Variants in PLAC1 observed in about 807,000 individuals in gnomAD.
The protein encoded by PLAC1 is placenta associated 1, also known as placenta-specific protein 1.
For synonymous variants in PLAC1, 68 were observed against 62.1 expected (o/e 1.09, Z -0.44); for missense variants, 136 against 163.2 (o/e 0.83, Z 0.91).
chrX:134,577,281 A>AC (rs1382813194), intron 2 of PLAC1, among the ~76,000 whole-genome samples: 2 of 112,015 alleles, frequency 1.8e-5, no homozygotes, highest in African/African-American at 6.5e-5. Context: ...GGATGGAGAA[A>AC]CCTAGAGTGA....
chrX:134,577,362 G>A (rs2077944623), intron 2 of PLAC1, among the ~76,000 whole-genome samples: 1 of 111,868 alleles, frequency 8.9e-6, no homozygotes, highest in South Asian at 3.7e-4. Flanking sequence ...GGTCACTGGA[G>A]AGGGAGATCC....
chrX:134,630,362 A>T (rs760194998), intron 1 of PLAC1, among the ~76,000 whole-genome samples: 1 of 112,455 alleles, frequency 8.9e-6, no homozygotes, highest in Admixed American at 9.4e-5. Flanking sequence ...ATTTCTCTAT[A>T]AATAACTCTC....
chrX:134,709,548 C>T (rs1011497347), intron 2 of PLAC1, among the ~76,000 whole-genome samples: 4 of 111,177 alleles, frequency 3.6e-5, no homozygotes, highest in Admixed American at 1.9e-4. Context: ...ATCGCTTGAA[C>T]CCGGGATCGC....
chrX:134,590,006 T>C (rs190833847), intron 2 of PLAC1, among the ~76,000 whole-genome samples: 1,772 of 98,104 alleles, frequency 0.018, 29 homozygotes, highest in East Asian at 0.074. Flanking sequence ...CCATCCTGGC[T>C]AACATGGTGA....
At chrX:134,652,418 A>G (rs1328696571) in intron 1 of PLAC1, among the ~76,000 whole-genome samples, 1 of 112,162 alleles carries the variant, frequency 8.9e-6, no homozygotes, top group Non-Finnish European at 1.9e-5. Context: ...CTCTGGTTCT[A>G]CAGGCAACTG....
chrX:134,622,596 T>G (rs1363547308), intron 1 of PLAC1, among the ~76,000 whole-genome samples: 3 of 111,693 alleles, frequency 2.7e-5, no homozygotes, highest in Non-Finnish European at 5.6e-5. Flanking sequence ...AGTTACTTTT[T>G]TAGTACATTG....
intron 2 of PLAC1, among the ~76,000 whole-genome samples, chrX:134,664,663 G>A (rs953447605): frequency 8.9e-6 from 1 of 112,273 alleles, no homozygotes; most frequent in Non-Finnish European, 1.9e-5. Flanking sequence ...AAGGTGATGT[G>A]CAGATGAGGA....
intron 2 of PLAC1, among the ~76,000 whole-genome samples, chrX:134,725,117 G>A (rs2078670111): frequency 8.9e-6 from 1 of 112,098 alleles, no homozygotes; most frequent in Non-Finnish European, 1.9e-5. Flanking sequence ...AAGTTGTTGT[G>A]AGGATTAAGT....
intron 2 of PLAC1, among the ~76,000 whole-genome samples, chrX:134,588,530 C>T (rs1255447352): frequency 1.8e-5 from 2 of 109,205 alleles, no homozygotes; most frequent in Non-Finnish European, 1.9e-5. Context: ...AATAAATGAC[C>T]GCATCTACAG....
chrX:134,648,862 A>G (rs1363671611), intron 1 of PLAC1, among the ~76,000 whole-genome samples: 1 of 112,001 alleles, frequency 8.9e-6, no homozygotes, highest in Non-Finnish European at 1.9e-5. Context: ...AGGCAGGACC[A>G]CACTCACCCA....
intron 2 of PLAC1, among the ~76,000 whole-genome samples, chrX:134,668,168 A>G (rs1195045064): frequency 8.9e-6 from 1 of 112,493 alleles, no homozygotes; most frequent in African/African-American, 3.2e-5. Flanking sequence ...TGAAGGACTA[A>G]TGCATACTAC....
chrX:134,667,381 C>A (rs976329083), intron 2 of PLAC1, among the ~76,000 whole-genome samples: 2 of 112,260 alleles, frequency 1.8e-5, no homozygotes, highest in Non-Finnish European at 3.8e-5. Flanking sequence ...AACAGACTGT[C>A]TTCCAAAGAA....
In PLAC1 at chrX:134,590,109, T is replaced by G. The variant is rs368580900; in HGVS notation, c.-59+11942A>C. Among the ~76,000 whole-genome samples the G allele has an allele frequency of 1.2e-4, 13 of 110,263 alleles. No homozygotes were observed. In the South Asian group the frequency reaches 5.1e-3, roughly 43 times the overall value. ...ACTTGGGAGGCTGAGGCAGGAGAAT[T>G]GCTTCAACCTGGGAGGCAGAAGTTG... On this transcript the variant is annotated intron_variant, in intron 2 of 2. Transcript: ENST00000359237.
Position 134,677,802 on chromosome X carries a change from C to A in PLAC1, n.174+55633G>T, listed in dbSNP as rs756601165. On this transcript the variant is annotated intron_variant and non_coding_transcript_variant, in intron 2 of 2. Coordinates refer to the PLAC1 transcript ENST00000466797. ...AAAGTTCGATTTGGCTCTTGTGTCACAAATAGACTGAGGAGGCAAGGGTTG... is the reference window on the plus strand; with the variant it reads ...AAAGTTCGATTTGGCTCTTGTGTCAAAAATAGACTGAGGAGGCAAGGGTTG... 1.3e-3 allele frequency among the ~76,000 whole-genome samples: 143 copies of A among 111,694 alleles called. 2 individuals are homozygous for A. Among genetic ancestry groups the A allele is most frequent in the Non-Finnish European group, 8.8e-4 (47 of 53,145 alleles).
intron 2 of PLAC1, among the ~76,000 whole-genome samples, chrX:134,711,911 G>C (rs2078629179): frequency 8.9e-6 from 1 of 112,066 alleles, no homozygotes; most frequent in African/African-American, 3.2e-5. Flanking sequence ...AACAATTCCA[G>C]CAGGCTTCCA....
At chrX:134,568,265 A>T (rs1210965420) in intron 2 of PLAC1, among the ~76,000 whole-genome samples, 1 of 112,946 alleles carries the variant, frequency 8.9e-6, no homozygotes, top group Admixed American at 9.3e-5. Context: ...TTCTTTGACT[A>T]ATATTTGTTG....
intron 1 of PLAC1, among the ~76,000 whole-genome samples, chrX:134,636,003 C>T (rs1307102500): frequency 8.9e-6 from 1 of 112,110 alleles, no homozygotes; most frequent in Non-Finnish European, 1.9e-5. Flanking sequence ...CACAAATGTG[C>T]CTTCGATAAT....
At chrX:134,686,486 G>A (rs941015113) in intron 2 of PLAC1, among the ~76,000 whole-genome samples, 12 of 111,664 alleles carry the variant, frequency 1.1e-4, no homozygotes, top group Non-Finnish European at 9.4e-5. Context: ...TGTTTGGTAC[G>A]GGCAATACTA....
chrX:134,717,007 T>G (rs2078645190), intron 2 of PLAC1, among the ~76,000 whole-genome samples: 2 of 112,031 alleles, frequency 1.8e-5, no homozygotes, highest in Admixed American at 9.5e-5. Context: ...GATAGCAATT[T>G]TCATTATCTT....
Sources: gnomAD v4.1 joint callset for allele counts (sites outside exome capture counted in the v4.1 genomes callset) on GRCh38, gnomAD v4.1.1 for gene constraint, MANE v1.5 for transcripts, NCBI Gene and HGNC (gene_info 2026-07-23, HGNC 2026-07-21) for gene names.